Variants in TENM1 observed in about 807,000 individuals in gnomAD.
TENM1 encodes teneurin transmembrane protein 1.
Under a neutral mutation model 174.8 loss-of-function variants are expected in TENM1, and 35 were observed. That is an observed-to-expected ratio of 0.20 (90% CI 0.15 to 0.27). The LOEUF (loss-of-function observed/expected upper bound fraction) is 0.27, where lower values mean the gene tolerates loss of function less well. TENM1 is among the 10% of genes least tolerant of loss of function. TENM1 has a pLI of 1.00. For synonymous variants in TENM1, 781 were observed against 798.7 expected (o/e 0.98, Z 0.37); for missense variants, 1,633 against 2,130.1 (o/e 0.77, Z 4.59).
At chrX:124,437,010 G>A (rs5911843) in intron 23 of TENM1, among the ~76,000 whole-genome samples, 1 of 94,934 alleles carries the variant, frequency 1.1e-5, no homozygotes, top group Non-Finnish European at 2.1e-5. Flanking sequence ...GCATGATTTC[G>A]GCTCACTGCA....
At chrX:124,578,285 A>G (rs2049220651) in intron 11 of TENM1, among the ~76,000 whole-genome samples, 2 of 111,702 alleles carry the variant, frequency 1.8e-5, no homozygotes, top group Non-Finnish European at 3.8e-5. Flanking sequence ...AGGTTAGGAT[A>G]TTTGGCATTA....
intron 1 of TENM1, among the ~76,000 whole-genome samples, chrX:124,955,837 T>C (rs2058566254): frequency 9.9e-6 from 1 of 101,034 alleles, no homozygotes; most frequent in African/African-American, 3.5e-5. Flanking sequence ...AGACACCATT[T>C]CTTTAAAATT....
intron 22 of TENM1, among the ~76,000 whole-genome samples, chrX:124,463,834 G>GGGGTGTGT (rs2061208627): frequency 1.2e-5 from 1 of 81,241 alleles, no homozygotes; most frequent in South Asian, 6.0e-4. Flanking sequence ...TATAGAGGTT[G>GGGGTGTGT]GGGTGTGTGT....
chrX:125,160,999 C>A, the TENM1 span, among the ~76,000 whole-genome samples: 2 of 84,684 alleles, frequency 2.4e-5, no homozygotes, highest in African/African-American at 4.7e-5. Context: ...ATATTCATAG[C>A]AATGAATATT....
rs2050287298 is a variant in TENM1, at chrX:124,611,968, T to A, written c.2077+29823A>T. On this transcript the variant is annotated intron_variant, in intron 11 of 31. Transcript: ENST00000422452. ...AGTAAATGTTTTAATATAATATGCC[T>A]GTACATTTTCAGCCTTGCTGAATTT... Among the ~76,000 whole-genome samples the A allele has an allele frequency of 2.7e-5, 3 of 112,186 alleles. No homozygotes were observed. In the Admixed American group the frequency reaches 2.8e-4, roughly 11 times the overall value.
At chrX:124,478,619 C>G (rs1405595178) in intron 22 of TENM1, among the ~76,000 whole-genome samples, 1 of 112,134 alleles carries the variant, frequency 8.9e-6, no homozygotes, top group Non-Finnish European at 1.9e-5. Flanking sequence ...TTGTTAAAGT[C>G]TTGGAGCGAG....
chrX:125,006,844 TC>T, the TENM1 span, among the ~76,000 whole-genome samples: 1 of 106,610 alleles, frequency 9.4e-6, no homozygotes, highest in African/African-American at 3.4e-5. Context: ...CAAAAGAACC[TC>T]CCCCCAACAA....
In TENM1 at chrX:124,859,852, A is replaced by T. The variant is rs1358660786; in HGVS notation, c.535+34444T>A. Reference sequence around the variant, plus strand: ...TTTATTTAACAGAAAAAGATGAACAAATTGCTGACCTAATATTTGTGAGTC... The same window carrying T: ...TTTATTTAACAGAAAAAGATGAACATATTGCTGACCTAATATTTGTGAGTC... On this transcript the variant is annotated intron_variant, in intron 3 of 31. Transcript: ENST00000422452. Among the ~76,000 whole-genome samples, 3 of 112,279 alleles carry T rather than the reference A, an allele frequency of 2.7e-5. No homozygotes were observed. In the East Asian group the frequency reaches 8.3e-4, roughly 31 times the overall value.
the TENM1 span, among the ~76,000 whole-genome samples, chrX:125,004,958 T>C: frequency 9.0e-6 from 1 of 111,152 alleles, no homozygotes; most frequent in Non-Finnish European, 1.9e-5. Context: ...CTCAGGATAC[T>C]AGAGCAAGTT....
chrX:125,086,373 A>G, the TENM1 span, among the ~76,000 whole-genome samples: 7 of 111,067 alleles, frequency 6.3e-5, no homozygotes, highest in African/African-American at 2.3e-4. Context: ...ATTAATTTGG[A>G]ATGTACTGTA....
intron 23 of TENM1, among the ~76,000 whole-genome samples, chrX:124,445,119 C>T (rs1039348624): frequency 4.5e-5 from 5 of 111,694 alleles, no homozygotes; most frequent in Admixed American, 9.5e-5. Context: ...CATATATAAA[C>T]GTACCCAGTA....
intron 11 of TENM1, among the ~76,000 whole-genome samples, chrX:124,602,605 A>C (rs1204931001): frequency 9.0e-6 from 1 of 110,591 alleles, no homozygotes; most frequent in African/African-American, 3.3e-5. Flanking sequence ...TTATGGTGCA[A>C]GGGTGAGGGA....
At chrX:124,959,577 T>C (rs1173614878) in intron 1 of TENM1, among the ~76,000 whole-genome samples, 3 of 110,916 alleles carry the variant, frequency 2.7e-5, no homozygotes, top group African/African-American at 9.9e-5. Context: ...AATCTACTTA[T>C]AACAACAGCC....
chrX:124,964,244 C>T (rs757744296), upstream of TENM1, among the ~76,000 whole-genome samples: 4 of 112,293 alleles, frequency 3.6e-5, no homozygotes, highest in East Asian at 8.4e-4. Flanking sequence ...AAGAGAACTA[C>T]ATTCAGAAAG....
chrX:124,636,098 A>T (rs2050873254), intron 11 of TENM1, among the ~76,000 whole-genome samples: 1 of 112,203 alleles, frequency 8.9e-6, no homozygotes, highest in Non-Finnish European at 1.9e-5. Context: ...CACAGTTAAC[A>T]TGCTAACAGC....
At chrX:124,860,165 T>C (rs771368281) in intron 3 of TENM1, among the ~76,000 whole-genome samples, 21 of 111,941 alleles carry the variant, frequency 1.9e-4, no homozygotes, top group African/African-American at 6.5e-4. Flanking sequence ...CTCCTCTACA[T>C]AGTGACCTCA....
intron 3 of TENM1, among the ~76,000 whole-genome samples, chrX:124,747,766 G>A (rs1051339087): frequency 2.7e-5 from 3 of 110,278 alleles, no homozygotes; most frequent in Non-Finnish European, 3.8e-5. Flanking sequence ...TGAATGCACA[G>A]ACGCTCCTTT....
At chrX:125,018,601 TC>T in the TENM1 span, among the ~76,000 whole-genome samples, 1 of 111,477 alleles carries the variant, frequency 9.0e-6, no homozygotes, top group East Asian at 2.8e-4. Flanking sequence ...ATTTCCTAAC[TC>T]CTTCCTCAAA....
At chrX:124,994,648 C>A in the TENM1 span, among the ~76,000 whole-genome samples, 21 of 110,350 alleles carry the variant, frequency 1.9e-4, no homozygotes, top group Admixed American at 1.1e-3. Context: ...CTTGACAGTG[C>A]CCTCTTGATC....
Sources: gnomAD v4.1 joint callset for allele counts (sites outside exome capture counted in the v4.1 genomes callset) on GRCh38, gnomAD v4.1.1 for gene constraint, MANE v1.5 for transcripts, NCBI Gene and HGNC (gene_info 2026-07-23, HGNC 2026-07-21) for gene names.